The following RPTOR variants were observed in gnomAD, a reference collection of about 807,000 sequenced individuals.
RPTOR encodes regulatory associated protein of MTOR complex 1, also known as regulatory-associated protein of mTOR.
A neutral mutation model predicts 169.9 loss-of-function variants in RPTOR; 21 were observed. The observed-to-expected ratio is 0.12, with a 90% CI of 0.09 to 0.18. The LOEUF (loss-of-function observed/expected upper bound fraction) is 0.18, where lower values mean the gene tolerates loss of function less well. RPTOR is among the 10% of genes least tolerant of loss of function. The pLI, the probability that RPTOR is intolerant of heterozygous loss-of-function variation, is 1.00. For synonymous variants in RPTOR, 732 were observed against 753.2 expected (o/e 0.97, Z 0.46); for missense variants, 1,133 against 1,855.9 (o/e 0.61, Z 7.16).
At position 80,822,309 on chromosome 17, in the gene RPTOR, G is replaced by A. The variant is rs771553315; in HGVS notation, c.991+8G>A. 1.5e-5 allele frequency: 24 copies of A among 1,613,308 alleles called. No homozygotes were observed. The highest frequency in any genetic ancestry group is 1.1e-4 in the East Asian group (5 of 44,882). ...GGAACGTGCTCCCCCGGGGTGAGGC[G>A]CGGGCCGGGCCTTGGGGAGGGAGGC... On this transcript the variant is annotated splice_region_variant and intron_variant, in intron 8 of 33. Coordinates refer to ENST00000306801, the MANE Select transcript of RPTOR (RefSeq NM_020761.3).
chr17:80,674,787 C>CAAAAAAAAAAAAAA (rs9319608), intron 3 of RPTOR, among the ~76,000 whole-genome samples: 5 of 89,976 alleles, frequency 5.6e-5, no homozygotes, highest in African/African-American at 1.2e-4. Context: ...GACTCTGTCT[C>CAAAAAAAAAAAAAA]AAAAAAAAAA....
chr17:80,904,355 CT>C (rs1195920294), intron 20 of RPTOR, among the ~76,000 whole-genome samples: 1 of 152,210 alleles, frequency 6.6e-6, no homozygotes, highest in African/African-American at 2.4e-5. Flanking sequence ...CTGCCAACCC[CT>C]CAGCCTTGGG....
rs140795070 is a variant in RPTOR at position 80,650,110 on chromosome 17, A to T, written c.348+6300A>T. ...CAAAGACATTACAGAAAGAAGAATG[A>T]AAGAAAGGCATGGTTCTGCAGCCTC... On this transcript the variant is annotated intron_variant, in intron 3 of 33. Coordinates refer to ENST00000306801, the MANE Select transcript of RPTOR (RefSeq NM_020761.3). Among the ~76,000 whole-genome samples, 1,453 of 152,348 alleles carry T rather than the reference A, an allele frequency of 9.5e-3. 13 individuals are homozygous for T. Among genetic ancestry groups the T allele is most frequent in the Non-Finnish European group, 0.015 (1,000 of 68,032 alleles).
intron 3 of RPTOR, among the ~76,000 whole-genome samples, chr17:80,689,448 C>T (rs886541602): frequency 4.7e-4 from 71 of 152,186 alleles, no homozygotes; most frequent in Non-Finnish European, 1.8e-4. Context: ...AGTGAGGCCT[C>T]GTCTTACGCA....
At chr17:80,727,162 G>C (rs1253067576) in intron 4 of RPTOR, among the ~76,000 whole-genome samples, 1 of 146,334 alleles carries the variant, frequency 6.8e-6, no homozygotes, top group South Asian at 2.2e-4. Flanking sequence ...CTCCGAGAAC[G>C]TGAACTCTGC....
chr17:80,919,559 C>T (rs1204924184), intron 21 of RPTOR, among the ~76,000 whole-genome samples: 1 of 152,214 alleles, frequency 6.6e-6, no homozygotes, highest in Admixed American at 6.5e-5. Flanking sequence ...TGCATTGGAT[C>T]AGACGCCCCC....
At chr17:80,812,280 C>T (rs1263220008) in intron 7 of RPTOR, among the ~76,000 whole-genome samples, 3 of 152,124 alleles carry the variant, frequency 2.0e-5, no homozygotes, top group African/African-American at 7.2e-5. Context: ...TCCTCTATCT[C>T]TGTCTTGTCA....
chr17:80,774,698 A>G (rs1288158229), intron 6 of RPTOR, among the ~76,000 whole-genome samples: 1 of 152,226 alleles, frequency 6.6e-6, no homozygotes, highest in Non-Finnish European at 1.5e-5. Context: ...AGCTTTCGGC[A>G]GGGACAGTAA....
intron 1 of RPTOR, among the ~76,000 whole-genome samples, chr17:80,591,247 C>T (rs1184156897): frequency 7.4e-5 from 7 of 94,386 alleles, no homozygotes; most frequent in Non-Finnish European, 1.1e-4. Flanking sequence ...CTCCCCTCTC[C>T]TCCCCTCTCC....
chr17:80,617,868 C>T (rs1356523674), intron 1 of RPTOR, among the ~76,000 whole-genome samples: 1 of 152,164 alleles, frequency 6.6e-6, no homozygotes, highest in African/African-American at 2.4e-5. Context: ...CAGGCATAGT[C>T]GCATGGCTTC....
intron 7 of RPTOR, among the ~76,000 whole-genome samples, chr17:80,798,645 C>T (rs2067124825): frequency 6.6e-6 from 1 of 152,124 alleles, no homozygotes; most frequent in Admixed American, 6.5e-5. Flanking sequence ...TTGGAAGCGA[C>T]ACCCTATGAT....
intron 20 of RPTOR, among the ~76,000 whole-genome samples, chr17:80,894,656 T>G (rs2143882043): frequency 6.6e-6 from 1 of 152,350 alleles, no homozygotes; most frequent in Non-Finnish European, 1.5e-5. Context: ...CCTCATCTCC[T>G]CTTGTTCTGA....
chr17:80,628,897 G>A (rs11654265), intron 2 of RPTOR, among the ~76,000 whole-genome samples: 35,645 of 151,948 alleles, frequency 0.23, 5,230 homozygotes, highest in East Asian at 0.42. Flanking sequence ...CTCTCTTCTG[G>A]GACTCAGCTC....
At chr17:80,770,367 T>A (rs1176539616) in intron 6 of RPTOR, among the ~76,000 whole-genome samples, 1 of 152,148 alleles carries the variant, frequency 6.6e-6, no homozygotes, top group Non-Finnish European at 1.5e-5. Flanking sequence ...GTAGCAGCCC[T>A]CTGGGAAATG....
At chr17:80,789,569 C>T (rs1162282101) in intron 6 of RPTOR, among the ~76,000 whole-genome samples, 3 of 152,180 alleles carry the variant, frequency 2.0e-5, no homozygotes, top group African/African-American at 4.8e-5. Context: ...GCCTCCGACT[C>T]GGGGAAGGTT....
intron 5 of RPTOR, among the ~76,000 whole-genome samples, chr17:80,745,041 C>T (rs1484803586): frequency 6.6e-6 from 1 of 151,990 alleles, no homozygotes; most frequent in Non-Finnish European, 1.5e-5. Flanking sequence ...CTAGAGACTG[C>T]CCAAAGAATA....
chr17:80,854,541 A>C (rs1003088179), intron 11 of RPTOR, among the ~76,000 whole-genome samples: 2 of 152,254 alleles, frequency 1.3e-5, no homozygotes, highest in Admixed American at 1.3e-4. Flanking sequence ...TTAGTGGAAA[A>C]GAATCATGTA....
At chr17:80,857,034 T>C (rs1476366492) in intron 12 of RPTOR, among the ~76,000 whole-genome samples, 1 of 152,100 alleles carries the variant, frequency 6.6e-6, no homozygotes, top group African/African-American at 2.4e-5. Context: ...GGACCTCACT[T>C]ATTGGAAGGT....
chr17:80,689,222 G>C (rs994972658), intron 3 of RPTOR, among the ~76,000 whole-genome samples: 1 of 152,216 alleles, frequency 6.6e-6, no homozygotes, highest in African/African-American at 2.4e-5. Context: ...GTCAGCAGAT[G>C]AACACATTCA....
Sources: allele counts gnomAD v4.1 joint callset (sites outside exome capture counted in the v4.1 genomes callset), GRCh38; gene constraint gnomAD v4.1.1; transcripts MANE v1.5; gene names NCBI Gene and HGNC (gene_info 2026-07-23, HGNC 2026-07-21).